TTN: variants seen among roughly 807,000 people sequenced by gnomAD.
TTN encodes the protein titin.
Under a neutral mutation model 3,223.0 loss-of-function variants are expected in TTN, and 1,525 were observed. That is an observed-to-expected ratio of 0.47 (90% CI 0.45 to 0.49). The LOEUF is 0.49. TTN is among the 20% of genes least tolerant of loss of function. The pLI, the probability that TTN is intolerant of heterozygous loss-of-function variation, is 0.00. For synonymous variants in TTN, 14,094 were observed against 15,161.0 expected, an observed-to-expected ratio of 0.93 and a Z score of 5.17; for missense variants, 40,786 against 43,424.0, an observed-to-expected ratio of 0.94 and a Z score of 5.40.
Position 178,734,986 on chromosome 2 carries a change from G to A in TTN, c.14938C>T (p.Pro4980Ser). 4 of 1,565,226 alleles carry A rather than the reference G, an allele frequency of 2.6e-6. No individual in the cohort carries two copies. Among genetic ancestry groups the A allele is most frequent in the Non-Finnish European group, 3.5e-6 (4 of 1,154,838 alleles). ...TCCACCTTCTTCACGAAGGATGGTG[G>A]CTCTACATGAAGTTTACAAAAAAGA... ...SCSATVTVRE[P>S]PSFVKKVDPS... The change falls in exon 51 of 363, where the codon CCA becomes TCA. Residue 4980 changes from proline to serine, a missense_variant and splice_region_variant. Transcript: ENST00000589042.
Position 178,636,081 on chromosome 2 carries a change from G to A in TTN, c.41490C>T (p.Val13830=), listed in dbSNP as rs397517564. 5.6e-6 allele frequency: 9 copies of A among 1,613,122 alleles called. No homozygotes were observed. Among genetic ancestry groups the A allele is most frequent in the Non-Finnish European group, 7.6e-6 (9 of 1,179,554 alleles). ...TGGTCAGAGCCCGCATCAAGCCAAT[G>A]ACGCCTGGCACAATTCGGCCAGGTT... is the stretch of plus-strand genomic sequence containing the variant. ...VEKPGRIVPG[V]IGLMRALTIN... is the part of the protein sequence containing the mutation. Residue 13830 remains valine (V), a synonymous_variant, in exon 226 of 363, where the codon GTC becomes GTT. Coordinates refer to ENST00000589042, the MANE Select transcript of TTN (RefSeq NM_001267550.2). This position sits in a 1 kb window ranked among gnomAD's most constrained non-coding sequence, Gnocchi z 4.3.
Position 178,610,499 on chromosome 2 carries a change from G to A in TTN, c.51137-110C>T, listed in dbSNP as rs2056057053. On this transcript the variant is annotated intron_variant, in intron 270 of 362. Transcript: ENST00000589042. ...TATTTTGGGTAGGATAATCTTTGAT[G>A]TGCTGGAGTGTCATTCACACTGCAG... 5 of 1,156,552 alleles carry A rather than the reference G, an allele frequency of 4.3e-6. No homozygotes were observed. In the Admixed American group the frequency reaches 7.5e-5, roughly 17 times the overall value. The allele number at this position is 1,156,552 out of a possible 1,614,324, so 71.6% of individuals were successfully genotyped here. A position where few individuals can be genotyped will look rare whatever the true frequency, so the allele number is the denominator to read the frequency against.
intron 250 of TTN, chr2:178,619,163 A>T: frequency 4.8e-6 from 2 of 413,472 alleles, no homozygotes. Flanking sequence ...TTGATAGAGT[A>T]GGCACTGCAT....
At chr2:178,751,599 C>T in intron 47 of TTN, 1 of 1,613,246 alleles carries the variant, frequency 6.2e-7, no homozygotes, top group Non-Finnish European at 8.5e-7. Flanking sequence ...TCATCTTGCC[C>T]TTTTTGGATA....
chr2:178,675,068 G>C lies in TTN; in HGVS notation c.34583C>G (p.Pro11528Arg). 2 of 1,554,722 alleles carry C rather than the reference G, an allele frequency of 1.3e-6. No homozygotes were observed. Among genetic ancestry groups the C allele is most frequent in the Non-Finnish European group, 1.7e-6 (2 of 1,156,906 alleles). ...KKVEEKRIIL[P>R]KEEEVLPVEV... is the part of the protein sequence containing the mutation. Reference sequence around the variant, plus strand: ...AACTGGTAGAACTTCCTCTTCTTTAGGGAGAATGATTCGTTTTTCTTCCAC... The same window carrying C: ...AACTGGTAGAACTTCCTCTTCTTTACGGAGAATGATTCGTTTTTCTTCCAC... The change falls in exon 150 of 363, where the codon CCT becomes CGT. Residue 11528 changes from proline (P) to arginine (R), a missense_variant. By Grantham distance (103) the Pro-to-Arg change is moderately radical. Transcript: ENST00000589042.
At chr2:178,789,873 T>G (rs756702337) in intron 12 of TTN, 105 bp downstream of exon 12, 258 of 1,498,934 alleles carry the variant, frequency 1.7e-4, no homozygotes, top group Middle Eastern at 4.1e-4. Context: ...GTTAGGGATT[T>G]TAAAAGGCAA....
intron 10 of TTN, among the ~76,000 whole-genome samples, chr2:178,791,563 AT>A (rs577444128): frequency 2.4e-4 from 36 of 148,256 alleles, no homozygotes; most frequent in East Asian, 5.9e-4. Flanking sequence ...AATTGAAGGA[AT>A]TTTTTTTTTT....
Position 178,740,777 on chromosome 2 carries a change from C to T in TTN, c.12456G>A (p.Leu4152=). 6.2e-7 allele frequency: 1 copy of T among 1,613,564 alleles called. No individual in the cohort carries two copies. Among genetic ancestry groups the T allele is most frequent in the African/African-American group, 1.3e-5 (1 of 75,006 alleles). The change falls in exon 48 of 363, where the codon CTG becomes CTA. Residue 4152 remains leucine (L), a synonymous_variant. Coordinates refer to ENST00000589042, the MANE Select transcript of TTN (RefSeq NM_001267550.2). ...PLKEPSPNLQ[L]QIVQSQKTFS... Reference sequence around the variant, plus strand: ...AGGTTTTCTGGGACTGTACAATCTGCAGCTGTAGGTTGGGAGATGGTTCCT... The same window carrying T: ...AGGTTTTCTGGGACTGTACAATCTGTAGCTGTAGGTTGGGAGATGGTTCCT...
At position 178,543,133 on chromosome 2, in the gene TTN, T is replaced by C. The variant is rs776900012; in HGVS notation, c.96840A>G (p.Gln32280=). The C allele has an allele frequency of 3.1e-6, 5 of 1,612,120 alleles. No individual in the cohort carries two copies. Among genetic ancestry groups the C allele is most frequent in the Non-Finnish European group, 4.2e-6 (5 of 1,178,394 alleles). The change falls in exon 347 of 363, where the codon CAA becomes CAG. Residue 32280 remains glutamine, a synonymous_variant. Transcript: ENST00000589042. ...GEQYLFRIRA[Q]NEKGVSEPRE... ...TTGGTTCTGACACACCTTTCTCATT[T>C]TGTGCCCTTATTCTAAATAAGTATT...
Position 178,705,350 on chromosome 2 carries a change from T to C in TTN, c.29428A>G (p.Ile9810Val), listed in dbSNP as rs1356650510. The change falls in exon 103 of 363, where the codon ATC becomes GTC. Residue 9810 changes from isoleucine to valine, a missense_variant. Physicochemically the swap from Ile to Val is conservative, Grantham distance 29. Transcript: ENST00000589042. The stretch of plus-strand genomic sequence containing the variant: ...TCTTCTCCAGCTCCTTTCTTTAAGA[T>C]TGGAGTCCTAAATAAAATTTAAAAA... ...DLRAMLKKTP[I>V]LKKGAGEEEE... 18 of 1,570,178 alleles carry C rather than the reference T, an allele frequency of 1.1e-5. No individual in the cohort carries two copies. Among genetic ancestry groups the C allele is most frequent in the Admixed American group, 1.9e-5 (1 of 51,858 alleles).
In TTN at chr2:178,636,581, T is replaced by C. The variant is rs531807386; in HGVS notation, c.41146A>G (p.Ile13716Val). Residue 13716 changes from isoleucine (I) to valine (V), a missense_variant, in exon 225 of 363, where the codon ATT (isoleucine) becomes GTT (valine). Physicochemically the swap from Ile to Val is conservative, Grantham distance 29. Transcript: ENST00000589042. This position sits in a 1 kb window ranked among gnomAD's most constrained non-coding sequence, Gnocchi z 4.3. ...FECLVSPSTA[I>V]TTWMKDGSNI... The stretch of plus-strand genomic sequence containing the variant: ...CTACCGTCTTTCATCCAGGTTGTAA[T>C]TGCAGTGGAAGGGGAGACCAAACAT... 5.0e-6 allele frequency: 8 copies of C among 1,613,460 alleles called. No individual in the cohort carries two copies. The highest frequency in any genetic ancestry group is 4.5e-5 in the East Asian group (2 of 44,770).
Position 178,553,784 on chromosome 2 carries a change from T to TA in TTN, c.89220_89221insT (p.Ile29741TyrfsTer17), listed in dbSNP as rs1064794472. 1 of 1,601,690 alleles carries TA rather than the reference T, an allele frequency of 6.2e-7. No homozygotes were observed. Among genetic ancestry groups the TA allele is most frequent in the Non-Finnish European group, 8.5e-7 (1 of 1,172,776 alleles). ...GACTTGGTTGAATCTGCGATTCTTATCTTAGCAGGTGGACCTGGAGGATCT... is the reference window on the plus strand; with the variant it reads ...GACTTGGTTGAATCTGCGATTCTTATACTTAGCAGGTGGACCTGGAGGATCT... On this transcript the variant is annotated frameshift_variant, in exon 334 of 363. Transcript: ENST00000589042. LOFTEE classifies it high-confidence loss of function.
Position 178,589,597 on chromosome 2 carries a change from T to G in TTN, c.62128A>C (p.Lys20710Gln). Residue 20710 changes from lysine to glutamine, a missense_variant, in exon 304 of 363, where the codon AAG becomes CAG. Lys to Gln is a moderately conservative substitution (Grantham distance 53, BLOSUM62 1). Coordinates refer to ENST00000589042, the MANE Select transcript of TTN (RefSeq NM_001267550.2). The part of the protein sequence containing the change: ...NLSYHVERRL[K>Q]GSDDWERVHK... ...ACTCTTTCCCAGTCATCGGAGCCCT[T>G]AAGCCTTCTCTCAACATGATATGAC... 1 of 1,613,394 alleles carries G rather than the reference T, an allele frequency of 6.2e-7. No homozygotes were observed. The highest frequency in any genetic ancestry group is 8.5e-7 in the Non-Finnish European group (1 of 1,179,554).
Position 178,647,376 on chromosome 2 carries a change from T to G in TTN, c.40141+5A>C, listed in dbSNP as rs2062184018. On this transcript the variant is annotated splice_donor_5th_base_variant and intron_variant, in intron 214 of 362. Coordinates refer to ENST00000589042, the MANE Select transcript of TTN (RefSeq NM_001267550.2). ...CTTTCCAAGATTTATGGAGAAGCCG[T>G]GTACCTTCAGCAGGTGGAACTTCTG... 1 of 1,549,610 alleles carries G rather than the reference T, an allele frequency of 6.5e-7. No individual in the cohort carries two copies. The highest frequency in any genetic ancestry group is 2.4e-5 in the East Asian group (1 of 40,874).
intron 159 of TTN, among the ~76,000 whole-genome samples, chr2:178,668,494 G>GA (rs1485554095): frequency 6.6e-6 from 1 of 152,062 alleles, no homozygotes; most frequent in African/African-American, 2.4e-5. Context: ...ACTTTGGGAG[G>GA]CTGAGGTGGG....
At chr2:178,779,510 A>G in intron 22 of TTN, 48 bp from the exon 23 acceptor site, 2 of 1,183,016 alleles carry the variant, frequency 1.7e-6, no homozygotes, top group Non-Finnish European at 2.4e-6. Context: ...CCTTACTGAT[A>G]TAAATTATTT....
intron 47 of TTN, chr2:178,750,771 G>A: frequency 6.2e-7 from 1 of 1,613,064 alleles, no homozygotes; most frequent in African/African-American, 1.3e-5. Context: ...CTGGCATGTG[G>A]TGTAATAGCT....
At chr2:178,537,961 A>G (rs777051833) in intron 354 of TTN, 44 bp from the exon 355 acceptor site, 2 of 1,458,088 alleles carry the variant, frequency 1.4e-6, no homozygotes, top group Admixed American at 2.1e-5. Flanking sequence ...TTAATACTCA[A>G]TCTGTAATCC....
Position 178,679,656 on chromosome 2 carries a change from G to T in TTN, c.33607C>A (p.Pro11203Thr), listed in dbSNP as rs754978761. The T allele has an allele frequency of 1.9e-6, 3 of 1,610,690 alleles. No individual in the cohort carries two copies. In the African/African-American group the frequency reaches 4.0e-5, roughly 22 times the overall value. Residue 11203 changes from proline (P) to threonine (T), a missense_variant, in exon 141 of 363, where the codon CCA becomes ACA. Transcript: ENST00000589042. Reference sequence around the variant, plus strand: ...ACAGGAACAGGTTTCTTCTCTTCTGGAACAGGTTTCCTGGGTACCTCAGGC... The same window carrying T: ...ACAGGAACAGGTTTCTTCTCTTCTGTAACAGGTTTCCTGGGTACCTCAGGC... ...KVPEVPRKPV[P>T]EEKKPVPVPK... is the part of the protein sequence containing the mutation.
Sources: gnomAD v4.1 joint callset for allele counts (sites outside exome capture counted in the v4.1 genomes callset) on GRCh38, gnomAD v4.1.1 for gene constraint, Gnocchi (gnomAD v3.1) non-coding constraint, MANE v1.5 for transcripts, NCBI Gene and HGNC (gene_info 2026-07-23, HGNC 2026-07-21) for gene names.